The following SLC41A2 variants were observed in gnomAD, a reference collection of about 807,000 sequenced individuals.
SLC41A2 encodes the protein SLC41A1-like 1.
A neutral mutation model predicts 58.3 loss-of-function variants in SLC41A2; 32 were observed. The ratio of observed to expected loss-of-function variants is 0.55; its 90% CI spans 0.41 to 0.74. The LOEUF is 0.74. SLC41A2 is among the 30% of genes least tolerant of loss of function. The pLI is 0.00. For synonymous variants in SLC41A2, 190 were observed against 235.0 expected (o/e 0.81, Z 1.75); for missense variants, 514 against 680.6 (o/e 0.76, Z 2.72).
At chr12:104,840,068 C>T (rs1035838559) in intron 10 of SLC41A2, among the ~76,000 whole-genome samples, 2 of 152,142 alleles carry the variant, frequency 1.3e-5, no homozygotes, top group African/African-American at 2.4e-5. Context: ...TGTCAAGGGA[C>T]TAGCCTTTGA....
intron 1 of SLC41A2, among the ~76,000 whole-genome samples, chr12:104,933,201 A>C (rs938186015): frequency 6.6e-6 from 1 of 152,192 alleles, no homozygotes; most frequent in African/African-American, 2.4e-5. Flanking sequence ...AAATGATCCC[A>C]TCAGAAAGTA....
At chr12:104,827,202 C>A (rs1004613349) in intron 10 of SLC41A2, among the ~76,000 whole-genome samples, 10 of 152,162 alleles carry the variant, frequency 6.6e-5, no homozygotes, top group African/African-American at 2.4e-4. Flanking sequence ...GACAGCTAAT[C>A]CCAAAGGATA....
At chr12:104,939,739 C>T (rs1282816204) in intron 1 of SLC41A2, among the ~76,000 whole-genome samples, 1 of 151,528 alleles carries the variant, frequency 6.6e-6, no homozygotes, top group Admixed American at 6.6e-5. Context: ...TGTTTTCTTC[C>T]CACAACAATA....
At chr12:104,821,385 A>G (rs1198072249) in intron 10 of SLC41A2, among the ~76,000 whole-genome samples, 1 of 152,210 alleles carries the variant, frequency 6.6e-6, no homozygotes, top group Admixed American at 6.5e-5. Context: ...GGAGACCTAC[A>G]TGATAACATT....
chr12:104,867,137 C>T (rs1386952681), intron 6 of SLC41A2, among the ~76,000 whole-genome samples: 6 of 151,986 alleles, frequency 3.9e-5, no homozygotes, highest in African/African-American at 1.4e-4. Flanking sequence ...TACAGGCATT[C>T]CATAAAATAT....
At chr12:104,930,911 C>T (rs550408722) in intron 1 of SLC41A2, among the ~76,000 whole-genome samples, 2 of 152,344 alleles carry the variant, frequency 1.3e-5, no homozygotes, top group African/African-American at 4.8e-5. Flanking sequence ...TCCAGATGCA[C>T]AGACACATCC....
chr12:104,916,644 G>T (rs1200448884), intron 2 of SLC41A2, among the ~76,000 whole-genome samples: 1 of 152,010 alleles, frequency 6.6e-6, no homozygotes, highest in Non-Finnish European at 1.5e-5. Context: ...CAATGGAACA[G>T]AACAGAGCCC....
intron 8 of SLC41A2, among the ~76,000 whole-genome samples, chr12:104,847,457 T>C (rs951149577): frequency 2.6e-5 from 4 of 151,438 alleles, no homozygotes; most frequent in Non-Finnish European, 5.9e-5. Context: ...ATACAAAAAC[T>C]AGCTTGGTGT....
chr12:104,909,679 T>C lies in SLC41A2; in HGVS notation c.639A>G (p.Thr213=). The C allele has an allele frequency of 6.2e-7, 1 of 1,610,586 alleles. No homozygotes were observed. The highest frequency in any genetic ancestry group is 1.1e-5 in the South Asian group (1 of 90,066). ...LLGLKGNLEM[T]LASRLSTAVN... is the part of the protein sequence containing the mutation. ...CTGCAGTGGATAATCTGGATGCCAA[T>C]GTCATTTCCAAGTTCCCTTTGAGAC... is the stretch of plus-strand genomic sequence containing the variant. Residue 213 remains threonine, a synonymous_variant, in exon 3 of 11, where the codon ACA becomes ACG. Transcript: ENST00000258538.
At chr12:104,923,765 A>G (rs1252194376) in intron 2 of SLC41A2, among the ~76,000 whole-genome samples, 1 of 152,236 alleles carries the variant, frequency 6.6e-6, no homozygotes, top group Non-Finnish European at 1.5e-5. Flanking sequence ...CCATGAAGAA[A>G]TAGAAAACCT....
chr12:104,809,929 A>T (rs1194519709), intron 10 of SLC41A2, among the ~76,000 whole-genome samples: 1 of 152,138 alleles, frequency 6.6e-6, no homozygotes, highest in African/African-American at 2.4e-5. Context: ...TTTCAGAGAA[A>T]CTGGTTCACA....
chr12:104,874,514 G>GAT (rs2043954792), intron 6 of SLC41A2, among the ~76,000 whole-genome samples: 1 of 152,112 alleles, frequency 6.6e-6, no homozygotes, highest in African/African-American at 2.4e-5. Flanking sequence ...TTTTAGTTGT[G>GAT]TAAGATAACT....
intron 8 of SLC41A2, among the ~76,000 whole-genome samples, chr12:104,850,890 T>C (rs1384619648): frequency 3.9e-5 from 6 of 152,208 alleles, no homozygotes; most frequent in Non-Finnish European, 7.4e-5. Context: ...TGTTTAAAAG[T>C]CACATGGACT....
chr12:104,940,009 C>T (rs1359324417), intron 1 of SLC41A2, among the ~76,000 whole-genome samples: 1 of 151,670 alleles, frequency 6.6e-6, no homozygotes, highest in Non-Finnish European at 1.5e-5. Flanking sequence ...TTTCTGTTTC[C>T]TATTATTATT....
At chr12:104,939,046 C>A (rs2047396393) in intron 1 of SLC41A2, among the ~76,000 whole-genome samples, 1 of 152,170 alleles carries the variant, frequency 6.6e-6, no homozygotes, top group South Asian at 2.1e-4. Flanking sequence ...GACTAAAGGG[C>A]AGTCCTTTTC....
chr12:104,875,206 C>T (rs1428635378), intron 6 of SLC41A2, among the ~76,000 whole-genome samples: 5 of 152,156 alleles, frequency 3.3e-5, no homozygotes, highest in Non-Finnish European at 7.4e-5. Flanking sequence ...ATTCAGTTTG[C>T]TAGTATTTTA....
chr12:104,806,186 G>A (rs978825289), intron 10 of SLC41A2, among the ~76,000 whole-genome samples: 4 of 152,036 alleles, frequency 2.6e-5, no homozygotes, highest in Non-Finnish European at 4.4e-5. Flanking sequence ...TTAGCATTAG[G>A]TTTATCTCCT....
intron 10 of SLC41A2, among the ~76,000 whole-genome samples, chr12:104,840,922 C>T (rs2136316618): frequency 6.6e-6 from 1 of 152,086 alleles, no homozygotes; most frequent in East Asian, 1.9e-4. Context: ...AAGAAATACC[C>T]ATTCAGCTAC....
At chr12:104,837,590 C>T (rs1185699190) in intron 10 of SLC41A2, among the ~76,000 whole-genome samples, 1 of 151,904 alleles carries the variant, frequency 6.6e-6, no homozygotes, top group East Asian at 1.9e-4. Flanking sequence ...GCAATGAAAG[C>T]GTGGTATGTG....
Sources: gnomAD v4.1 joint callset for allele counts (sites outside exome capture counted in the v4.1 genomes callset) on GRCh38, gnomAD v4.1.1 for gene constraint, MANE v1.5 for transcripts, NCBI Gene and HGNC (gene_info 2026-07-23, HGNC 2026-07-21) for gene names.